Variants in NOS1AP observed in about 807,000 individuals in gnomAD.
NOS1AP encodes carboxyl-terminal PDZ ligand of neuronal nitric oxide synthase protein.
Under a neutral mutation model 56.2 loss-of-function variants are expected in NOS1AP, and 21 were observed. The ratio of observed to expected loss-of-function variants is 0.37; its 90% confidence interval spans 0.26 to 0.54. NOS1AP has a LOEUF of 0.54. Among genes scored for constraint, NOS1AP ranks in the 20% least tolerant of loss-of-function variants. NOS1AP has a pLI of 0.84. For missense variants in NOS1AP, 522 were observed against 657.8 expected (o/e 0.79, Z 2.26); for synonymous variants, 270 against 274.6 (o/e 0.98, Z 0.17).
chr1:162,153,073 G>A (rs1649785968), intron 1 of NOS1AP, among the ~76,000 whole-genome samples: 4 of 152,106 alleles, frequency 2.6e-5, no homozygotes, highest in Admixed American at 2.6e-4. Context: ...TCAGTGTTGG[G>A]TGGTCCTATT....
chr1:162,357,175 C>A (rs1465265162), intron 8 of NOS1AP, 39 bp downstream of exon 8: 13 of 1,593,024 alleles, frequency 8.2e-6, no homozygotes, highest in Non-Finnish European at 1.1e-5. Context: ...AGGCTCCACT[C>A]TCATGGGCTT....
chr1:162,361,145 G>A (rs1192207396), intron 8 of NOS1AP, among the ~76,000 whole-genome samples: 2 of 152,222 alleles, frequency 1.3e-5, no homozygotes, highest in East Asian at 1.9e-4. Context: ...GACTTAGTAT[G>A]TAAGTACAAC....
At chr1:162,358,450 A>G (rs780758480) in intron 8 of NOS1AP, among the ~76,000 whole-genome samples, 4 of 152,350 alleles carry the variant, frequency 2.6e-5, no homozygotes, top group Non-Finnish European at 5.9e-5. Context: ...CTTTTTAAAA[A>G]GTCTTACCAT....
intron 4 of NOS1AP, 43 bp from the exon 5 acceptor site, chr1:162,332,974 C>A: frequency 7.1e-7 from 1 of 1,410,052 alleles, no homozygotes. Context: ...AGATTTGAAC[C>A]TAAGGCCATT....
At position 162,332,878 on chromosome 1, in the gene NOS1AP, A is replaced by G. The variant is rs186496087; in HGVS notation, c.345-139A>G. On this transcript the variant is annotated intron_variant, in intron 4 of 9. Transcript: ENST00000361897. ...GTGCCTCCTGCATTGTGACTTTTTGATCCTGAAGGAAGAAGACTTTCTGTA... is the reference window on the plus strand; with the variant it reads ...GTGCCTCCTGCATTGTGACTTTTTGGTCCTGAAGGAAGAAGACTTTCTGTA... 53 of 702,084 alleles carry G rather than the reference A, an allele frequency of 7.5e-5. No individual in the cohort carries two copies. The East Asian group carries it at 1.4e-3, about 19-fold the overall frequency. The allele number at this position is 702,084 out of a possible 1,614,324, so 43.5% of individuals were successfully genotyped here. A position where few individuals can be genotyped will look rare whatever the true frequency, so the allele number is the denominator to read the frequency against.
chr1:162,257,648 C>CA (rs548538740), intron 2 of NOS1AP, among the ~76,000 whole-genome samples: 12,355 of 128,506 alleles, frequency 0.096, 1,418 homozygotes, highest in African/African-American at 0.29. Flanking sequence ...GACTCCATCT[C>CA]AAAAAAAAAA....
chr1:162,153,947 A>G (rs1649821747), intron 1 of NOS1AP, among the ~76,000 whole-genome samples: 1 of 151,664 alleles, frequency 6.6e-6, no homozygotes, highest in South Asian at 2.1e-4. Flanking sequence ...GTGAAATTCC[A>G]TTAGTTAAAA....
rs139854581 is a variant in NOS1AP at position 162,116,650 on chromosome 1, C to T, written c.106-37755C>T. Among the ~76,000 whole-genome samples, 91 of 152,300 alleles carry T rather than the reference C, an allele frequency of 6.0e-4. 1 individual carries two copies. The highest frequency in any genetic ancestry group is 2.0e-3 in the African/African-American group (84 of 41,550). ...CAGTGAGGTTTTCTTTCAAAAATAT[C>T]TTGGTGTTTCAGAGATGACACATAG... On this transcript the variant is annotated intron_variant, in intron 1 of 9. Transcript: ENST00000361897.
At chr1:162,244,532 C>T (rs1227739041) in intron 2 of NOS1AP, among the ~76,000 whole-genome samples, 5 of 152,118 alleles carry the variant, frequency 3.3e-5, no homozygotes, top group Non-Finnish European at 7.4e-5. Context: ...TAAGTGTTTT[C>T]CTGAGGTTAT....
chr1:162,141,472 T>C (rs1316750016), intron 1 of NOS1AP, among the ~76,000 whole-genome samples: 6 of 152,260 alleles, frequency 3.9e-5, no homozygotes, highest in Non-Finnish European at 8.8e-5. Flanking sequence ...TCCTGCCTTG[T>C]TGGAGTAAAA....
chr1:162,265,589 T>C lies in NOS1AP; in HGVS notation c.178-21755T>C, dbSNP rs114827788. Among the ~76,000 whole-genome samples the C allele has an allele frequency of 5.3e-3, 806 of 152,272 alleles. 9 individuals are homozygous for C. The highest frequency in any genetic ancestry group is 0.018 in the African/African-American group (759 of 41,534). ...TTTTTTTATGGCTGCATAGTATTCTTTATGAGAATACGCAGTTTCAATTTT... is the reference window on the plus strand; with the variant it reads ...TTTTTTTATGGCTGCATAGTATTCTCTATGAGAATACGCAGTTTCAATTTT... On this transcript the variant is annotated intron_variant, in intron 2 of 9. Coordinates refer to ENST00000361897, the MANE Select transcript of NOS1AP (RefSeq NM_014697.3).
chr1:162,362,819 A>G (rs1264367027), intron 8 of NOS1AP, among the ~76,000 whole-genome samples: 1 of 152,226 alleles, frequency 6.6e-6, no homozygotes, highest in South Asian at 2.1e-4. Flanking sequence ...GGGGACCCCC[A>G]GCTGAAATTT....
intron 1 of NOS1AP, among the ~76,000 whole-genome samples, chr1:162,144,501 A>G (rs909348174): frequency 1.3e-5 from 2 of 152,198 alleles, no homozygotes; most frequent in Non-Finnish European, 2.9e-5. Flanking sequence ...TACCTGATAC[A>G]GGTGATGATT....
At chr1:162,286,761 A>G (rs1655100692) in intron 2 of NOS1AP, among the ~76,000 whole-genome samples, 1 of 152,212 alleles carries the variant, frequency 6.6e-6, no homozygotes, top group Non-Finnish European at 1.5e-5. Context: ...CTTAACAAAT[A>G]CATGGTTTTT....
chr1:162,268,722 T>C (rs920063205), intron 2 of NOS1AP, among the ~76,000 whole-genome samples: 16 of 151,434 alleles, frequency 1.1e-4, no homozygotes, highest in Non-Finnish European at 1.6e-4. Context: ...CAAGCCTCTA[T>C]GAAAAAGAAA....
chr1:162,124,741 T>C (rs1571035566), intron 1 of NOS1AP, among the ~76,000 whole-genome samples: 1 of 152,172 alleles, frequency 6.6e-6, no homozygotes, highest in South Asian at 2.1e-4. Flanking sequence ...CAGCCTGGTC[T>C]CGAACTCCTG....
At chr1:162,162,339 A>C (rs1027273693) in intron 2 of NOS1AP, among the ~76,000 whole-genome samples, 4 of 152,228 alleles carry the variant, frequency 2.6e-5, no homozygotes, top group African/African-American at 9.6e-5. Flanking sequence ...CGGTCGTTGG[A>C]ATAGAGAGAC....
chr1:162,276,494 T>C (rs1654738055), intron 2 of NOS1AP, among the ~76,000 whole-genome samples: 2 of 151,252 alleles, frequency 1.3e-5, no homozygotes, highest in Admixed American at 1.3e-4. Context: ...ACCTCAGTCT[T>C]AGCTGCTCAT....
chr1:162,115,397 G>GTTTTT (rs1284433353), intron 1 of NOS1AP, among the ~76,000 whole-genome samples: 1 of 144,626 alleles, frequency 6.9e-6, no homozygotes. Context: ...CAGGTGCTCT[G>GTTTTT]TTTTTTTTTT....
Sources: allele counts gnomAD v4.1 joint callset (sites outside exome capture counted in the v4.1 genomes callset), GRCh38; gene constraint gnomAD v4.1.1; transcripts MANE v1.5; gene names NCBI Gene and HGNC (gene_info 2026-07-23, HGNC 2026-07-21).